SIGLEC5: variants seen among roughly 807,000 people sequenced by gnomAD.
SIGLEC5 encodes sialic acid binding Ig like lectin 5.
SIGLEC5 carries 34 observed loss-of-function variants against 45.9 expected under a neutral mutation model. The observed-to-expected ratio is 0.74, with a 90% CI of 0.56 to 0.99. SIGLEC5 has a LOEUF of 0.99. Ranked by LOEUF, SIGLEC5 falls within the 50% of genes least tolerant of loss-of-function variation. SIGLEC5 has a pLI of 0.00. For synonymous variants in SIGLEC5, 203 were observed against 258.6 expected (o/e 0.79, Z 2.06); for missense variants, 508 against 629.6 (o/e 0.81, Z 2.07).
intron 8 of SIGLEC5, among the ~76,000 whole-genome samples, chr19:51,623,565 G>A (rs1357143478): frequency 2.0e-5 from 3 of 152,086 alleles, no homozygotes; most frequent in East Asian, 3.9e-4. Flanking sequence ...GGTAACCGAG[G>A]AAATGCAAAT....
chr19:51,627,343 C>A, intron 6 of SIGLEC5, 95 bp from the exon 7 acceptor site: 1 of 1,536,936 alleles, frequency 6.5e-7, no homozygotes, highest in Non-Finnish European at 8.9e-7. Flanking sequence ...CCTGCTCAGA[C>A]AGGAGATGAA....
intron 3 of SIGLEC5, 43 bp downstream of exon 3, chr19:51,629,315 C>T (rs769954495): frequency 1.2e-6 from 2 of 1,600,740 alleles, no homozygotes; most frequent in Admixed American, 1.7e-5. Flanking sequence ...CCCCTCACTC[C>T]CACTGCCCTT....
intron 8 of SIGLEC5, among the ~76,000 whole-genome samples, chr19:51,615,592 T>G (rs746931052): frequency 3.9e-5 from 6 of 152,196 alleles, no homozygotes; most frequent in Non-Finnish European, 5.9e-5. Context: ...CCTTGCCATT[T>G]TCTCCACTCC....
intron 8 of SIGLEC5, among the ~76,000 whole-genome samples, chr19:51,622,218 G>A (rs1475242022): frequency 6.6e-6 from 1 of 152,012 alleles, no homozygotes; most frequent in Non-Finnish European, 1.5e-5. Context: ...TGCAAGCTCT[G>A]CCTCCCAGGT....
rs1040821123 is a variant in SIGLEC5 at position 51,611,176 on chromosome 19, T to G, written c.*1055A>C. On this transcript the variant is annotated 3_prime_UTR_variant, in exon 9 of 9. Coordinates refer to ENST00000683636, the MANE Select transcript of SIGLEC5 (RefSeq NM_003830.4). The stretch of plus-strand genomic sequence containing the variant: ...TTGCTGAAGTTTCTAACATTGTCAT[T>G]TATCTGGGTTTGGAGATACCCTAGA... Among the ~76,000 whole-genome samples the G allele has an allele frequency of 6.6e-6, 1 of 152,238 alleles. No individual in the cohort carries two copies. Among genetic ancestry groups the G allele is most frequent in the African/African-American group, 2.4e-5 (1 of 41,462 alleles).
intron 8 of SIGLEC5, among the ~76,000 whole-genome samples, chr19:51,616,494 G>T (rs757946450): frequency 1.3e-5 from 2 of 152,188 alleles, no homozygotes; most frequent in Admixed American, 1.3e-4. Flanking sequence ...ATGGAGAATA[G>T]AATGACTATA....
intron 8 of SIGLEC5, 70 bp downstream of exon 8, chr19:51,625,962 G>A (rs1356185219): frequency 1.6e-6 from 2 of 1,261,264 alleles, no homozygotes; most frequent in Non-Finnish European, 2.3e-6. Context: ...TGGGTTTGGT[G>A]GAATGCTGAA....
chr19:51,627,932 T>C lies in SIGLEC5; in HGVS notation c.899A>G (p.Glu300Gly), dbSNP rs766820402. 6.8e-6 allele frequency: 11 copies of C among 1,614,038 alleles called. No homozygotes were observed. The highest frequency in any genetic ancestry group is 9.3e-6 in the Non-Finnish European group (11 of 1,179,978). The change falls in exon 5 of 9, where the codon GAG (glutamate) becomes GGG (glycine). Residue 300 changes from glutamate (E) to glycine (G), a missense_variant. Glu to Gly is a moderately conservative substitution (Grantham distance 98). Around this residue, in one of 2 missense-constraint regions of SIGLEC5, gnomAD observed 431 missense variants for 428.8 expected, o/e 1.01. Transcript: ENST00000683636. ...ATPISNTGIL[E>G]LRRVRSAEEG... is the part of the protein sequence containing the mutation. ...TTCTGCAGACCTTACTCGACGAAGCTCCAAGATCCCGGTATTGGAGATGGG... is the reference window on the plus strand; with the variant it reads ...TTCTGCAGACCTTACTCGACGAAGCCCCAAGATCCCGGTATTGGAGATGGG...
rs750550219 is a variant in SIGLEC5, at chr19:51,627,997, G to T, written c.834C>A (p.His278Gln). The T allele has an allele frequency of 1.9e-6, 3 of 1,612,504 alleles. No individual in the cohort carries two copies. The highest frequency in any genetic ancestry group is 1.3e-5 in the African/African-American group (1 of 74,940). Residue 278 changes from histidine to glutamine, a missense_variant, in exon 5 of 9, where the codon CAC (histidine) becomes CAA (glutamine). By Grantham distance (24) the His-to-Gln change is conservative. This residue lies in a region of SIGLEC5 where 431 missense variants were observed against 428.8 expected (regional missense o/e 1.01). Transcript: ENST00000683636. ...CAGGGGAGCCCTGGAACCAGCTCAG[G>T]TGTGCAGGGGGGTTGCTGGGAGCAT... ...LCDAPSNPPA[H>Q]LSWFQGSPAL...
At position 51,628,091 on chromosome 19, in the gene SIGLEC5, G is replaced by T; in HGVS notation, c.740C>A (p.Ala247Asp). The T allele has an allele frequency of 1.3e-6, 2 of 1,518,802 alleles. No individual in the cohort carries two copies. The highest frequency in any genetic ancestry group is 1.3e-5 in the South Asian group (1 of 75,794). 94.1% of individuals were successfully genotyped at this position (1,518,802 alleles called of 1,614,324 possible). Residue 247 changes from alanine to aspartate, a missense_variant and splice_region_variant, in exon 5 of 9, where the codon GCC becomes GAC. By Grantham distance (126) the Ala-to-Asp change is moderately radical. Around this residue, in one of 2 missense-constraint regions of SIGLEC5, gnomAD observed 431 missense variants for 428.8 expected, o/e 1.01. Coordinates refer to ENST00000683636, the MANE Select transcript of SIGLEC5 (RefSeq NM_003830.4). ...TGAGGTGTTTTGCAGGATCTCTAGG[G>T]CTTTGGGGAGAGAAGGGTGGGGAAA... is the stretch of plus-strand genomic sequence containing the variant. ...QTITIFRNGI[A>D]LEILQNTSYL...
chr19:51,618,938 A>G (rs963881316), intron 8 of SIGLEC5, among the ~76,000 whole-genome samples: 1 of 152,204 alleles, frequency 6.6e-6, no homozygotes, highest in African/African-American at 2.4e-5. Flanking sequence ...AAGAAACACA[A>G]TTGTTAGAAT....
rs745907200 is a variant in SIGLEC5, at chr19:51,627,565, G to T, written c.1179C>A (p.Asn393Lys). ...GCCCCCCGTGGAGGATCAGGGAGCTGTTGGCCCAGGGCCCAGCTGAGCTGG... is the reference window on the plus strand; with the variant it reads ...GCCCCCCGTGGAGGATCAGGGAGCTTTTGGCCCAGGGCCCAGCTGAGCTGG... ...VNSSSAGPWA[N>K]SSLILHGGLS... is the part of the protein sequence containing the mutation. The change falls in exon 6 of 9, where the codon AAC (asparagine) becomes AAA (lysine). Residue 393 changes from asparagine (N) to lysine (K), a missense_variant. By Grantham distance (94) the Asn-to-Lys change is moderately conservative (BLOSUM62 0). This residue lies in a region of SIGLEC5 where 431 missense variants were observed against 428.8 expected (regional missense o/e 1.01). Coordinates refer to ENST00000683636, the MANE Select transcript of SIGLEC5 (RefSeq NM_003830.4). The T allele has an allele frequency of 6.2e-7, 1 of 1,613,990 alleles. No homozygotes were observed. Among genetic ancestry groups the T allele is most frequent in the Non-Finnish European group, 8.5e-7 (1 of 1,180,036 alleles).
intron 8 of SIGLEC5, among the ~76,000 whole-genome samples, chr19:51,612,946 T>C (rs967599927): frequency 2.0e-5 from 3 of 152,178 alleles, no homozygotes; most frequent in African/African-American, 7.2e-5. Context: ...GTTCCCTCCT[T>C]TCCATTCGCC....
In SIGLEC5 at chr19:51,612,299, A is replaced by G; in HGVS notation, c.1588T>C (p.Ser530Pro). The G allele has an allele frequency of 1.2e-6, 2 of 1,612,966 alleles. No individual in the cohort carries two copies. The highest frequency in any genetic ancestry group is 1.7e-6 in the Non-Finnish European group (2 of 1,179,706). Residue 530 changes from serine (S) to proline (P), a missense_variant, in exon 9 of 9, where the codon TCG (serine) becomes CCG (proline). This residue lies in a region of SIGLEC5 where 431 missense variants were observed against 428.8 expected (regional missense o/e 1.01). Coordinates refer to ENST00000683636, the MANE Select transcript of SIGLEC5 (RefSeq NM_003830.4). The stretch of plus-strand genomic sequence containing the variant: ...GCCTCCTGGTCCTTAGGCTCCCTCG[A>G]CTTCATCTCAGAAAAACTAAGGGAG... The part of the protein sequence containing the change: ...YASLSFSEMK[S>P]REPKDQEAPS...
chr19:51,626,929 G>T (rs1207925572), intron 7 of SIGLEC5, among the ~76,000 whole-genome samples: 2 of 152,054 alleles, frequency 1.3e-5, no homozygotes, highest in Non-Finnish European at 2.9e-5. Flanking sequence ...TTAAGACAGG[G>T]TCTCTCACTC....
intron 4 of SIGLEC5, among the ~76,000 whole-genome samples, chr19:51,628,790 G>A (rs1354380819): frequency 1.4e-5 from 2 of 147,476 alleles, no homozygotes; most frequent in Non-Finnish European, 3.0e-5. Flanking sequence ...TGTATTGCAT[G>A]TGTATGTGTG....
At chr19:51,615,045 G>A (rs7251848) in intron 8 of SIGLEC5, among the ~76,000 whole-genome samples, 57,680 of 152,062 alleles carry the variant, frequency 0.38, 12,577 homozygotes, top group African/African-American at 0.6. Context: ...AATGCAGGAC[G>A]TCAAACTCCA....
chr19:51,612,663 A>G (rs75405237), intron 8 of SIGLEC5, among the ~76,000 whole-genome samples: 1 of 152,276 alleles, frequency 6.6e-6, no homozygotes, highest in Non-Finnish European at 1.5e-5. Flanking sequence ...CCAGCTCCCT[A>G]TGGGACATAC....
At position 51,612,002 on chromosome 19, in the gene SIGLEC5, C is replaced by T. The variant is rs1343376099; in HGVS notation, c.*229G>A. 1 of 336,648 alleles carries T rather than the reference C, an allele frequency of 3.0e-6. No individual in the cohort carries two copies. Among genetic ancestry groups the T allele is most frequent in the East Asian group, 5.1e-5 (1 of 19,774 alleles). 20.9% of individuals were successfully genotyped at this position (336,648 alleles called of 1,614,324 possible). On this transcript the variant is annotated 3_prime_UTR_variant, in exon 9 of 9. Transcript: ENST00000683636. ...GGTAGCATGCATGATCTCTGATTTA[C>T]AGAATGGGAAACTGAGGCACAGAGG...
Sources: allele counts gnomAD v4.1 joint callset (sites outside exome capture counted in the v4.1 genomes callset), GRCh38; gene constraint gnomAD v4.1.1; regional missense constraint gnomAD v4.1.1; transcripts MANE v1.5; gene names NCBI Gene and HGNC (gene_info 2026-07-23, HGNC 2026-07-21).